The following EPM2AIP1 variants were observed in gnomAD, a reference collection of about 807,000 sequenced individuals.
EPM2AIP1 encodes EPM2A interacting protein 1.
A neutral mutation model predicts 44.8 loss-of-function variants in EPM2AIP1; 23 were observed. The observed-to-expected ratio is 0.51, with a 90% CI of 0.37 to 0.73. EPM2AIP1 has a LOEUF of 0.73. Ranked by LOEUF, EPM2AIP1 falls within the 30% of genes least tolerant of loss-of-function variation. The pLI is 0.00. For missense variants in EPM2AIP1, 652 were observed against 743.9 expected (o/e 0.88, Z 1.44); for synonymous variants, 311 against 284.3 (o/e 1.09, Z -0.94).
At position 36,991,804 on chromosome 3, in the gene EPM2AIP1, T is replaced by A; in HGVS notation, c.1274A>T (p.His425Leu). 1 of 1,613,576 alleles carries A rather than the reference T, an allele frequency of 6.2e-7. No individual in the cohort carries two copies. Among genetic ancestry groups the A allele is most frequent in the Non-Finnish European group, 8.5e-7 (1 of 1,179,722 alleles). Residue 425 changes from histidine (H) to leucine (L), a missense_variant, in exon 1 of 1, where the codon CAT (histidine) becomes CTT (leucine). Transcript: ENST00000322716. ...FEVKLNLFQR[H>L]IEEKNLTDFP... ...GTCTGTTAGATTTTTTTCCTCAATA[T>A]GTCTTTGAAATAAATTCAGCTTAAC...
chr3:36,986,849 T>C lies in EPM2AIP1; in HGVS notation c.*4405A>G, dbSNP rs2080772519. The C allele has an allele frequency of 6.8e-6, 1 of 147,224 alleles. No individual in the cohort carries two copies. The highest frequency in any genetic ancestry group is 2.5e-5 in the African/African-American group (1 of 39,954). The allele number at this position is 147,224 out of a possible 1,614,324, so 9.1% of individuals were successfully genotyped here. A position where few individuals can be genotyped will look rare whatever the true frequency, so the allele number is the denominator to read the frequency against. ...CAAATCACTGGATGACTATGACACC[T>C]ACTGTTAAGATCTCTGAATGACTTA... On this transcript the variant is annotated 3_prime_UTR_variant, in exon 1 of 1. Transcript: ENST00000322716.
Position 36,991,883 on chromosome 3 carries a change from G to T in EPM2AIP1, c.1195C>A (p.Arg399=). The change falls in exon 1 of 1, where the codon CGA becomes AGA. Residue 399 remains arginine (R), a synonymous_variant. Coordinates refer to ENST00000322716, the MANE Select transcript of EPM2AIP1 (RefSeq NM_014805.4). ...GCAGCAGCAAAGACTTTACTAACTC[G>T]TAATTCTTCACTGAGTTCTCGAAGG... The part of the protein sequence containing the change: ...EHLRELSEEL[R]VSKVFAAAAF... The T allele has an allele frequency of 1.2e-6, 2 of 1,613,828 alleles. No individual in the cohort carries two copies. The highest frequency in any genetic ancestry group is 1.7e-6 in the Non-Finnish European group (2 of 1,179,852).
rs1166578634 is a variant in EPM2AIP1, at chr3:36,990,271, G to A, written c.*983C>T. ...CCATTTCTAGCATCTAACAAAATCT[G>A]ATACTGTATCATTTTAAAACAAAGT... is the stretch of plus-strand genomic sequence containing the variant. On this transcript the variant is annotated 3_prime_UTR_variant, in exon 1 of 1. Coordinates refer to ENST00000322716, the MANE Select transcript of EPM2AIP1 (RefSeq NM_014805.4). The A allele has an allele frequency of 3.6e-6, 1 of 276,510 alleles. No individual in the cohort carries two copies. Among genetic ancestry groups the A allele is most frequent in the Non-Finnish European group, 5.5e-6 (1 of 181,740 alleles). 17.1% of individuals were successfully genotyped at this position (276,510 alleles called of 1,614,324 possible).
rs1292441529 is a variant in EPM2AIP1, at chr3:36,990,890, A to G, written c.*364T>C. Reference sequence around the variant, plus strand: ...ATAATTTAAGACTATATGAATCAGAATTTTAACACTCCATTAAAATAAGAG... The same window carrying G: ...ATAATTTAAGACTATATGAATCAGAGTTTTAACACTCCATTAAAATAAGAG... On this transcript the variant is annotated 3_prime_UTR_variant, in exon 1 of 1. Coordinates refer to ENST00000322716, the MANE Select transcript of EPM2AIP1 (RefSeq NM_014805.4). 1.0e-6 allele frequency: 1 copy of G among 999,310 alleles called. No homozygotes were observed. Among genetic ancestry groups the G allele is most frequent in the Non-Finnish European group, 1.2e-6 (1 of 838,198 alleles). 61.9% of individuals were successfully genotyped at this position (999,310 alleles called of 1,614,324 possible).
chr3:36,991,647 G>A lies in EPM2AIP1; in HGVS notation c.1431C>T (p.Asp477=), dbSNP rs768027698. The A allele has an allele frequency of 1.6e-5, 25 of 1,612,732 alleles. No individual in the cohort carries two copies. Among genetic ancestry groups the A allele is most frequent in the South Asian group, 2.2e-5 (2 of 91,032 alleles). Residue 477 remains aspartate, a synonymous_variant, in exon 1 of 1, where the codon GAC becomes GAT. Coordinates refer to ENST00000322716, the MANE Select transcript of EPM2AIP1 (RefSeq NM_014805.4). ...LQKEFERHFK[D]LRFIKKDLEL... Reference sequence around the variant, plus strand: ...CTAAGTCCTTTTTAATGAACCTGAGGTCCTTAAAATGTCTCTCAAATTCTT... The same window carrying A: ...CTAAGTCCTTTTTAATGAACCTGAGATCCTTAAAATGTCTCTCAAATTCTT...
chr3:36,992,934 A>T lies in EPM2AIP1; in HGVS notation c.144T>A (p.Ala48=), dbSNP rs2080847244. Reference sequence around the variant, plus strand: ...GGCGCCTGACGTCGCGTTCGCGGGTAGCTACGATGAGGCGGCGACAGACCA... The same window carrying T: ...GGCGCCTGACGTCGCGTTCGCGGGTTGCTACGATGAGGCGGCGACAGACCA... ...LCLVCRRLIV[A]TRERDVRRHY... is the part of the protein sequence containing the mutation. Residue 48 remains alanine (A), a synonymous_variant, in exon 1 of 1, where the codon GCT becomes GCA. Transcript: ENST00000322716. The surrounding 1 kb of genome is among the most constrained non-coding windows in gnomAD (Gnocchi z 5.3). 3.7e-6 allele frequency: 6 copies of T among 1,612,820 alleles called. No homozygotes were observed. Among genetic ancestry groups the T allele is most frequent in the South Asian group, 1.1e-5 (1 of 91,090 alleles).
rs1274402071 is a variant in EPM2AIP1, at chr3:36,985,830, C to CA, written c.*5423dup. 1 of 152,176 alleles carries CA rather than the reference C, an allele frequency of 6.6e-6. No individual in the cohort carries two copies. The highest frequency in any genetic ancestry group is 2.4e-5 in the African/African-American group (1 of 41,440). The allele number at this position is 152,176 out of a possible 1,614,324, so 9.4% of individuals were successfully genotyped here. ...CTACTCAGCTGTGCCATTGTAGAAC[C>CA]AAAGTAGCCACAGATAATAAATAAA... On this transcript the variant is annotated 3_prime_UTR_variant, in exon 1 of 1. Coordinates refer to ENST00000322716, the MANE Select transcript of EPM2AIP1 (RefSeq NM_014805.4).
Position 36,992,778 on chromosome 3 carries a change from T to G in EPM2AIP1, c.300A>C (p.Ala100=). The G allele has an allele frequency of 2.5e-6, 4 of 1,613,648 alleles. No individual in the cohort carries two copies. Among genetic ancestry groups the G allele is most frequent in the Non-Finnish European group, 2.5e-6 (3 of 1,179,890 alleles). The change falls in exon 1 of 1, where the codon GCA becomes GCC. Residue 100 remains alanine, a synonymous_variant. Transcript: ENST00000322716. This position sits in a 1 kb window ranked among gnomAD's most constrained non-coding sequence, Gnocchi z 5.3. ...CCAAGAGGCGGCAGAGCCCGAGGCC[T>G]GCACGAGCAGCTCTCTCTTCAGGAG... ...SFTPEERAAR[A]GLGLCRLLAL...
rs1268286573 is a variant in EPM2AIP1 at position 36,988,530 on chromosome 3, T to C, written c.*2724A>G. The C allele has an allele frequency of 3.3e-5, 5 of 152,180 alleles. No homozygotes were observed. In the East Asian group the frequency reaches 9.6e-4, roughly 29 times the overall value. The allele number at this position is 152,180 out of a possible 1,614,324, so 9.4% of individuals were successfully genotyped here. On this transcript the variant is annotated 3_prime_UTR_variant, in exon 1 of 1. Coordinates refer to ENST00000322716, the MANE Select transcript of EPM2AIP1 (RefSeq NM_014805.4). ...TTGCATATAAATGGTAAGGAAACCA[T>C]GGAAGGAAATGAGATCAGCTAGCGA... is the stretch of plus-strand genomic sequence containing the variant.
chr3:36,986,047 GAC>G lies in EPM2AIP1; in HGVS notation c.*5205_*5206del, dbSNP rs371152727. 26 of 152,318 alleles carry G rather than the reference GAC, an allele frequency of 1.7e-4. No homozygotes were observed. Among genetic ancestry groups the G allele is most frequent in the Non-Finnish European group, 3.5e-4 (24 of 68,030 alleles). The allele number at this position is 152,318 out of a possible 1,614,324, so 9.4% of individuals were successfully genotyped here. On this transcript the variant is annotated 3_prime_UTR_variant, in exon 1 of 1. Coordinates refer to ENST00000322716, the MANE Select transcript of EPM2AIP1 (RefSeq NM_014805.4). The stretch of plus-strand genomic sequence containing the variant: ...ATTCAATGGCAAGCTAGCCCATGCT[GAC>G]ACAGAAATTGGTCCCTTGTTTTTTA...
rs1476299822 is a variant in EPM2AIP1, at chr3:36,992,139, A to T, written c.939T>A (p.Val313=). ...EWIVLIKTRG[V]RRPEFQTLLT... is the part of the protein sequence containing the mutation. ...GTAAAGTCTGAAATTCAGGTCGCCT[A>T]ACGCCTCTGGTCTTAATCAAAACTA... Residue 313 remains valine, a synonymous_variant, in exon 1 of 1, where the codon GTT becomes GTA. Coordinates refer to ENST00000322716, the MANE Select transcript of EPM2AIP1 (RefSeq NM_014805.4). The surrounding 1 kb of genome is among the most constrained non-coding windows in gnomAD (Gnocchi z 5.3). 1 of 1,614,058 alleles carries T rather than the reference A, an allele frequency of 6.2e-7. No individual in the cohort carries two copies. The highest frequency in any genetic ancestry group is 8.5e-7 in the Non-Finnish European group (1 of 1,179,902).
chr3:36,990,215 G>A lies in EPM2AIP1; in HGVS notation c.*1039C>T, dbSNP rs2080794346. Reference sequence around the variant, plus strand: ...TTGTGTGCTATCTTACATATAGAATGTGTACGACAGTTCCAAATTTTAGAA... The same window carrying A: ...TTGTGTGCTATCTTACATATAGAATATGTACGACAGTTCCAAATTTTAGAA... On this transcript the variant is annotated 3_prime_UTR_variant, in exon 1 of 1. Coordinates refer to ENST00000322716, the MANE Select transcript of EPM2AIP1 (RefSeq NM_014805.4). 6.3e-6 allele frequency: 1 copy of A among 158,108 alleles called. No individual in the cohort carries two copies. Among genetic ancestry groups the A allele is most frequent in the African/African-American group, 2.4e-5 (1 of 41,520 alleles). The allele number at this position is 158,108 out of a possible 1,614,324, so 9.8% of individuals were successfully genotyped here.
In EPM2AIP1 at chr3:36,990,700, TGTCA is replaced by T. The variant is rs1201658637; in HGVS notation, c.*550_*553del. The T allele has an allele frequency of 2.8e-5, 28 of 985,720 alleles. No homozygotes were observed. The highest frequency in any genetic ancestry group is 3.4e-5 in the Non-Finnish European group (28 of 829,828). 61.1% of individuals were successfully genotyped at this position (985,720 alleles called of 1,614,324 possible). ...ATGGGGAGGGAAGAGGGAAGAAATC[TGTCA>T]GTATTACCTTCGAACTCAGAAATGT... is the stretch of plus-strand genomic sequence containing the variant. On this transcript the variant is annotated 3_prime_UTR_variant, in exon 1 of 1. Transcript: ENST00000322716.
At position 36,992,134 on chromosome 3, in the gene EPM2AIP1, C is replaced by A. The variant is rs1204437815; in HGVS notation, c.944G>T (p.Arg315Leu). Residue 315 changes from arginine (R) to leucine (L), a missense_variant, in exon 1 of 1, where the codon CGA becomes CTA. By Grantham distance (102) the Arg-to-Leu change is moderately radical. Coordinates refer to ENST00000322716, the MANE Select transcript of EPM2AIP1 (RefSeq NM_014805.4). This position sits in a 1 kb window ranked among gnomAD's most constrained non-coding sequence, Gnocchi z 5.3. ...IVLIKTRGVR[R>L]PEFQTLLTES... is the part of the protein sequence containing the mutation. Reference sequence around the variant, plus strand: ...CGTTAGTAAAGTCTGAAATTCAGGTCGCCTAACGCCTCTGGTCTTAATCAA... The same window carrying A: ...CGTTAGTAAAGTCTGAAATTCAGGTAGCCTAACGCCTCTGGTCTTAATCAA... The A allele has an allele frequency of 2.5e-6, 4 of 1,614,008 alleles. No individual in the cohort carries two copies. The highest frequency in any genetic ancestry group is 2.2e-5 in the East Asian group (1 of 44,886).
Position 36,991,910 on chromosome 3 carries a change from G to A in EPM2AIP1, c.1168C>T (p.His390Tyr). The part of the protein sequence containing the change: ...DFGFLVDIME[H>Y]LRELSEELRV... ...AATTCTTCACTGAGTTCTCGAAGGT[G>A]TTCCATAATGTCCACCAAGAAGCCA... Residue 390 changes from histidine to tyrosine, a missense_variant, in exon 1 of 1, where the codon CAC becomes TAC. By Grantham distance (83) the His-to-Tyr change is moderately conservative. Coordinates refer to ENST00000322716, the MANE Select transcript of EPM2AIP1 (RefSeq NM_014805.4). 6.2e-7 allele frequency: 1 copy of A among 1,613,954 alleles called. No individual in the cohort carries two copies.
chr3:36,990,392 G>C lies in EPM2AIP1; in HGVS notation c.*862C>G, dbSNP rs947326006. ...ATCTCACACCTCCTAATCCTGGAGT[G>C]CAATCTTTTTTCCTCATCGTTTTTG... On this transcript the variant is annotated 3_prime_UTR_variant, in exon 1 of 1. Transcript: ENST00000322716. The C allele has an allele frequency of 1.0e-6, 1 of 982,216 alleles. No individual in the cohort carries two copies. The highest frequency in any genetic ancestry group is 1.2e-6 in the Non-Finnish European group (1 of 828,034). 60.8% of individuals were successfully genotyped at this position (982,216 alleles called of 1,614,324 possible).
Position 36,991,145 on chromosome 3 carries a change from G to A in EPM2AIP1, c.*109C>T, listed in dbSNP as rs1445174571. On this transcript the variant is annotated 3_prime_UTR_variant, in exon 1 of 1. Coordinates refer to ENST00000322716, the MANE Select transcript of EPM2AIP1 (RefSeq NM_014805.4). ...TAATTGTGATCAGTTTGGACGGCTG[G>A]TACTTGGTACTTTCTCACAATCCAA... The A allele has an allele frequency of 6.2e-6, 9 of 1,458,738 alleles. No individual in the cohort carries two copies. Among genetic ancestry groups the A allele is most frequent in the Non-Finnish European group, 8.2e-6 (9 of 1,102,956 alleles). 90.4% of individuals were successfully genotyped at this position (1,458,738 alleles called of 1,614,324 possible). A position where few individuals can be genotyped will look rare whatever the true frequency, so the allele number is the denominator to read the frequency against.
chr3:36,991,575 A>C lies in EPM2AIP1; in HGVS notation c.1503T>G (p.Ile501Met), dbSNP rs1388327677. 2 of 1,613,740 alleles carry C rather than the reference A, an allele frequency of 1.2e-6. No homozygotes were observed. Among genetic ancestry groups the C allele is most frequent in the African/African-American group, 2.7e-5 (2 of 75,050 alleles). ...GTTTTGTTAGCTCCACCCTCACTGAAATAGGTGCATATTCAGGTTTAAAGT... is the reference window on the plus strand; with the variant it reads ...GTTTTGTTAGCTCCACCCTCACTGACATAGGTGCATATTCAGGTTTAAAGT... ...PFNFKPEYAP[I>M]SVRVELTKLQ... Residue 501 changes from isoleucine to methionine, a missense_variant, in exon 1 of 1, where the codon ATT (isoleucine) becomes ATG (methionine). By Grantham distance (10) the Ile-to-Met change is conservative. Coordinates refer to ENST00000322716, the MANE Select transcript of EPM2AIP1 (RefSeq NM_014805.4).
In EPM2AIP1 at chr3:36,990,073, G is replaced by C. The variant is rs1039262311; in HGVS notation, c.*1181C>G. 4 of 152,194 alleles carry C rather than the reference G, an allele frequency of 2.6e-5. No homozygotes were observed. Among genetic ancestry groups the C allele is most frequent in the Admixed American group, 6.5e-5 (1 of 15,278 alleles). 9.4% of individuals were successfully genotyped at this position (152,194 alleles called of 1,614,324 possible). A position where few individuals can be genotyped will look rare whatever the true frequency, so the allele number is the denominator to read the frequency against. The stretch of plus-strand genomic sequence containing the variant: ...GTTTTACATAATGAACTTTAAGATT[G>C]CCTTTTCATGGTGAACAGAAGTTTG... On this transcript the variant is annotated 3_prime_UTR_variant, in exon 1 of 1. Transcript: ENST00000322716.
Sources: allele counts gnomAD v4.1 joint callset, GRCh38; gene constraint gnomAD v4.1.1; non-coding constraint Gnocchi (gnomAD v3.1); transcripts MANE v1.5; gene names NCBI Gene and HGNC (gene_info 2026-07-23, HGNC 2026-07-21).